UNC79: variants seen among roughly 807,000 people sequenced by gnomAD.
UNC79 encodes the protein unc-79 subunit of NALCN channel complex, also known as protein unc-79 homolog.
A neutral mutation model predicts 283.1 loss-of-function variants in UNC79; 37 were observed. That is an observed-to-expected ratio of 0.13 (90% CI 0.10 to 0.17). UNC79 has a LOEUF of 0.17. Ranked by LOEUF, UNC79 falls within the 10% of genes least tolerant of loss-of-function variation. UNC79 has a pLI of 1.00. For synonymous variants in UNC79, 1,107 were observed against 1,200.2 expected, an observed-to-expected ratio of 0.92 and a Z score of 1.61; for missense variants, 2,272 against 3,211.1, an observed-to-expected ratio of 0.71 and a Z score of 7.07.
chr14:93,603,077 A>G (rs905092100), intron 25 of UNC79, among the ~76,000 whole-genome samples, 162 bp from the exon 26 acceptor site: 7 of 152,236 alleles, frequency 4.6e-5, no homozygotes, highest in South Asian at 2.1e-4. Flanking sequence ...ATGATAGGCA[A>G]TAGTTATTTT....
chr14:93,418,105 G>T (rs1341969469), intron 1 of UNC79, among the ~76,000 whole-genome samples: 1 of 151,762 alleles, frequency 6.6e-6, no homozygotes, highest in Non-Finnish European at 1.5e-5. Context: ...CTGCTTTTTA[G>T]AGTTTCCAGT....
intron 14 of UNC79, among the ~76,000 whole-genome samples, chr14:93,568,474 G>C (rs965971439): frequency 1.5e-4 from 23 of 152,122 alleles, no homozygotes; most frequent in Admixed American, 1.5e-3. Context: ...AGGAGTTCAA[G>C]ACCAGCCTGG....
chr14:93,686,125 A>C (rs1039089547), intron 42 of UNC79, among the ~76,000 whole-genome samples: 1 of 152,320 alleles, frequency 6.6e-6, no homozygotes, highest in East Asian at 1.9e-4. Flanking sequence ...AATAGATTCA[A>C]GATTCTGGTG....
chr14:93,396,767 A>ATGTGTG (rs1413500764), intron 1 of UNC79, among the ~76,000 whole-genome samples: 161 of 76,506 alleles, frequency 2.1e-3, no homozygotes, highest in Non-Finnish European at 3.0e-3. Context: ...TGCAAAGGGC[A>ATGTGTG]TGTGTGTGTA....
intron 11 of UNC79, among the ~76,000 whole-genome samples, chr14:93,536,138 C>T (rs2061060191): frequency 6.6e-6 from 1 of 152,148 alleles, no homozygotes; most frequent in Non-Finnish European, 1.5e-5. Flanking sequence ...AATAGTGATA[C>T]AGGGGTAGGA....
chr14:93,477,299 T>C (rs528893700), intron 3 of UNC79, among the ~76,000 whole-genome samples: 20 of 152,346 alleles, frequency 1.3e-4, no homozygotes, highest in East Asian at 3.9e-4. Flanking sequence ...CCAAGTATTA[T>C]TGAAGATTGA....
chr14:93,499,696 G>A (rs1262431077), intron 7 of UNC79, among the ~76,000 whole-genome samples: 2 of 152,134 alleles, frequency 1.3e-5, no homozygotes, highest in African/African-American at 4.8e-5. Flanking sequence ...GCCTTACAGG[G>A]TAATAAGTGC....
intron 3 of UNC79, among the ~76,000 whole-genome samples, chr14:93,475,918 C>T (rs1009710290): frequency 7.2e-5 from 11 of 152,090 alleles, no homozygotes; most frequent in African/African-American, 2.4e-4. Flanking sequence ...ATTTAGCTAT[C>T]GTGTTCTTGT....
At chr14:93,460,538 A>T (rs1460718082) in intron 1 of UNC79, among the ~76,000 whole-genome samples, 1 of 150,834 alleles carries the variant, frequency 6.6e-6, no homozygotes, top group East Asian at 1.9e-4. Flanking sequence ...TATATAGAGC[A>T]CCTGGTGCAT....
At chr14:93,579,504 A>G (rs779165156) in intron 18 of UNC79, among the ~76,000 whole-genome samples, 2 of 151,846 alleles carry the variant, frequency 1.3e-5, no homozygotes, top group Non-Finnish European at 2.9e-5. Flanking sequence ...GTGTTTATTT[A>G]TTTATCTACT....
chr14:93,617,415 C>T lies in UNC79; in HGVS notation c.4224+111C>T. Reference sequence around the variant, plus strand: ...GAAAATTTTGTAGAAGTTTGACCTTCAGAAGGAAGATCAGGATATGCAATT... The same window carrying T: ...GAAAATTTTGTAGAAGTTTGACCTTTAGAAGGAAGATCAGGATATGCAATT... On this transcript the variant is annotated intron_variant, in intron 28 of 48. Transcript: ENST00000555664. This position sits in a 1 kb window ranked among gnomAD's most constrained non-coding sequence, Gnocchi z 4.5. 8.5e-7 allele frequency: 1 copy of T among 1,182,576 alleles called. No individual in the cohort carries two copies. The highest frequency in any genetic ancestry group is 2.5e-5 in the Admixed American group (1 of 39,508). The allele number at this position is 1,182,576 out of a possible 1,614,324, so 73.3% of individuals were successfully genotyped here. A position where few individuals can be genotyped will look rare whatever the true frequency, so the allele number is the denominator to read the frequency against.
exon 30 of UNC79, chr14:93,622,533 C>T (rs2067216277): frequency 6.2e-7 from 1 of 1,614,032 alleles, no homozygotes; most frequent in Middle Eastern, 1.6e-4. Flanking sequence ...CACCCTGACC[C>T]GGGCACTGAG....
chr14:93,427,536 A>G (rs1291395317), upstream of UNC79, among the ~76,000 whole-genome samples: 1 of 152,152 alleles, frequency 6.6e-6, no homozygotes, highest in Non-Finnish European at 1.5e-5. Context: ...ACCCTTCAAT[A>G]CAAACTTTCT....
chr14:93,687,511 T>G (rs992660323), intron 43 of UNC79, among the ~76,000 whole-genome samples: 8 of 152,190 alleles, frequency 5.3e-5, no homozygotes, highest in Admixed American at 3.9e-4. Flanking sequence ...GATTCCTTTT[T>G]GATAATTAGG....
chr14:93,408,334 C>G (rs2055267634), intron 1 of UNC79, among the ~76,000 whole-genome samples: 2 of 152,282 alleles, frequency 1.3e-5, no homozygotes, highest in African/African-American at 4.8e-5. Flanking sequence ...CTTTGACTGG[C>G]TTATCTCTAA....
intron 1 of UNC79, among the ~76,000 whole-genome samples, chr14:93,344,216 C>T (rs1285977814): frequency 6.6e-6 from 1 of 152,166 alleles, no homozygotes; most frequent in Non-Finnish European, 1.5e-5. Context: ...TGGGCTCTTT[C>T]TCACTTTACT....
intron 5 of UNC79, among the ~76,000 whole-genome samples, chr14:93,489,040 C>T (rs531862617): frequency 3.1e-4 from 47 of 152,340 alleles, no homozygotes; most frequent in African/African-American, 1.1e-3. Flanking sequence ...CTACCTGGCT[C>T]AAGCGATTCT....
At chr14:93,338,278 T>C (rs1374505566) in intron 1 of UNC79, among the ~76,000 whole-genome samples, 1 of 152,044 alleles carries the variant, frequency 6.6e-6, no homozygotes, top group Non-Finnish European at 1.5e-5. Context: ...TGTTTAAAAG[T>C]GTGCACCACC....
chr14:93,501,073 C>T (rs1210344656), intron 7 of UNC79, among the ~76,000 whole-genome samples: 1 of 152,132 alleles, frequency 6.6e-6, no homozygotes, highest in East Asian at 1.9e-4. Flanking sequence ...GCCTATAATC[C>T]CAGCACTTTG....
Sources: allele counts gnomAD v4.1 joint callset (sites outside exome capture counted in the v4.1 genomes callset), GRCh38; gene constraint gnomAD v4.1.1; non-coding constraint Gnocchi (gnomAD v3.1); transcripts MANE v1.5; gene names NCBI Gene and HGNC (gene_info 2026-07-23, HGNC 2026-07-21).